Variants in OCIAD1 observed in about 807,000 individuals in gnomAD.
The protein encoded by OCIAD1 is OCIA domain containing 1, also known as OCIA domain-containing protein 1.
A neutral mutation model predicts 38.9 loss-of-function variants in OCIAD1; 29 were observed. That is an observed-to-expected ratio of 0.74 (90% CI 0.55 to 1.02). The LOEUF is 1.02. OCIAD1 is among the 50% of genes least tolerant of loss of function. The probability of loss-of-function intolerance (pLI) is 0.00; values close to 1 mark genes in which losing one functional copy is unlikely to be tolerated. For missense variants in OCIAD1, 288 were observed against 289.6 expected, an observed-to-expected ratio of 0.99 and a Z score of 0.04; for synonymous variants, 110 against 92.0, an observed-to-expected ratio of 1.20 and a Z score of -1.12.
At chr4:48,844,781 A>C (rs968728506) in intron 4 of OCIAD1, among the ~76,000 whole-genome samples, 4 of 152,286 alleles carry the variant, frequency 2.6e-5, no homozygotes, top group African/African-American at 9.6e-5. Context: ...CAAAAGCTTA[A>C]GTCTCTGATA....
upstream of OCIAD1, among the ~76,000 whole-genome samples, chr4:48,828,839 G>C (rs1419919634): frequency 6.6e-6 from 1 of 152,192 alleles, no homozygotes; most frequent in African/African-American, 2.4e-5. Context: ...CTTCATTCTT[G>C]AAGTCAGTGA....
Position 48,850,079 on chromosome 4 carries a change from C to T in OCIAD1, c.374C>T (p.Pro125Leu). Residue 125 changes from proline to leucine, a missense_variant, in exon 6 of 9, where the codon CCT becomes CTT. Physicochemically the swap from Pro to Leu is moderately conservative, Grantham distance 98. Coordinates refer to ENST00000264312, the MANE Select transcript of OCIAD1 (RefSeq NM_017830.4). The stretch of plus-strand genomic sequence containing the variant: ...GGACAAGCACGACGATCTTCACCAC[C>T]TGGGTAGGCCAGATTCTGATCTTTA... ...RSGQARRSSP[P>L]GHYYQKSKYD... 6.2e-7 allele frequency: 1 copy of T among 1,610,612 alleles called. No individual in the cohort carries two copies. Among genetic ancestry groups the T allele is most frequent in the Non-Finnish European group, 8.5e-7 (1 of 1,179,180 alleles).
intron 3 of OCIAD1, among the ~76,000 whole-genome samples, chr4:48,834,506 A>G (rs1014744847): frequency 6.6e-6 from 1 of 152,224 alleles, no homozygotes; most frequent in African/African-American, 2.4e-5. Context: ...ACGGTGCCTC[A>G]TGGCTATAAT....
chr4:48,839,234 A>C (rs1353054697), intron 3 of OCIAD1, among the ~76,000 whole-genome samples: 1 of 152,104 alleles, frequency 6.6e-6, no homozygotes, highest in Non-Finnish European at 1.5e-5. Flanking sequence ...TCAAGAGTTC[A>C]AGACCAGCCT....
chr4:48,849,807 A>G, intron 5 of OCIAD1, 140 bp from the exon 6 acceptor site: 1 of 676,102 alleles, frequency 1.5e-6, no homozygotes, highest in East Asian at 2.8e-5. Context: ...GATTTCTTCT[A>G]CCATTATTTC....
chr4:48,833,599 CAT>C, intron 3 of OCIAD1, 118 bp downstream of exon 3: 2 of 629,632 alleles, frequency 3.2e-6, no homozygotes, highest in East Asian at 5.6e-5. Flanking sequence ...AAACTTTTTG[CAT>C]AGTGTGGTTG....
intron 3 of OCIAD1, among the ~76,000 whole-genome samples, chr4:48,838,523 A>C (rs1319216467): frequency 2.0e-5 from 3 of 152,216 alleles, no homozygotes; most frequent in Admixed American, 6.5e-5. Context: ...CTTGGTTGTA[A>C]CCAGGTGATA....
Position 48,833,468 on chromosome 4 carries a change from C to T in OCIAD1, c.126C>T (p.Ser42=). The change falls in exon 3 of 9, where the codon AGC becomes AGT. Residue 42 remains serine, a synonymous_variant. Transcript: ENST00000264312. Reference sequence around the variant, plus strand: ...TCTTCGCAGAATGCAATGATGAAAGCTTCTGGTTCAGATGTGAGTTCAATT... The same window carrying T: ...TCTTCGCAGAATGCAATGATGAAAGTTTCTGGTTCAGATGTGAGTTCAATT... ...RRVFAECNDE[S]FWFRSVPLAA... is the part of the protein sequence containing the mutation. 6.3e-7 allele frequency: 1 copy of T among 1,597,076 alleles called. No homozygotes were observed. Among genetic ancestry groups the T allele is most frequent in the Non-Finnish European group, 8.6e-7 (1 of 1,166,236 alleles).
upstream of OCIAD1, among the ~76,000 whole-genome samples, chr4:48,829,358 A>G (rs1024023215): frequency 2.0e-5 from 3 of 151,926 alleles, no homozygotes; most frequent in South Asian, 2.1e-4. Flanking sequence ...ATGTCTTTTA[A>G]TTTTCTTATT....
rs1777452321 is a variant in OCIAD1 at position 48,831,211 on chromosome 4, T to C, written c.-44T>C. On this transcript the variant is annotated 5_prime_UTR_variant, in exon 1 of 9. Transcript: ENST00000264312. Reference sequence around the variant, plus strand: ...CTCCGGGCCTTCTGCCCCTGATCGCTTGGTTTTCCTTGCAGTCGCCTGCTG... The same window carrying C: ...CTCCGGGCCTTCTGCCCCTGATCGCCTGGTTTTCCTTGCAGTCGCCTGCTG... 1 of 337,294 alleles carries C rather than the reference T, an allele frequency of 3.0e-6. No individual in the cohort carries two copies. The highest frequency in any genetic ancestry group is 2.2e-5 in the South Asian group (1 of 45,012). The allele number at this position is 337,294 out of a possible 1,614,324, so 20.9% of individuals were successfully genotyped here.
At chr4:48,821,253 A>G (rs1259637017) in intron 1 of OCIAD1, among the ~76,000 whole-genome samples, 2 of 152,224 alleles carry the variant, frequency 1.3e-5, no homozygotes, top group Non-Finnish European at 2.9e-5. Flanking sequence ...AACATACTCA[A>G]ATCAATGAAT....
At chr4:48,846,232 A>G (rs959205425) in intron 4 of OCIAD1, among the ~76,000 whole-genome samples, 4 of 152,176 alleles carry the variant, frequency 2.6e-5, no homozygotes, top group African/African-American at 7.2e-5. Context: ...TCCTTTTTCT[A>G]TTGTCATCCC....
intron 3 of OCIAD1, among the ~76,000 whole-genome samples, chr4:48,840,509 T>G (rs1419119058): frequency 6.6e-6 from 1 of 152,160 alleles, no homozygotes; most frequent in African/African-American, 2.4e-5. Context: ...TTTGTGCAAT[T>G]TGTGTGTGAT....
chr4:48,833,365 A>G (rs759688173), intron 2 of OCIAD1, 36 bp from the exon 3 acceptor site: 1 of 1,250,292 alleles, frequency 8.0e-7, no homozygotes. Flanking sequence ...TTTATTATGG[A>G]TAATTTAATG....
chr4:48,813,413 G>A (rs1777110614), intron 1 of OCIAD1, among the ~76,000 whole-genome samples: 1 of 152,206 alleles, frequency 6.6e-6, no homozygotes, highest in African/African-American at 2.4e-5. Context: ...CAGCTCCTTG[G>A]GAGGCGGAGG....
At chr4:48,806,670 A>C (rs1392305880) in intron 1 of OCIAD1, among the ~76,000 whole-genome samples, 1 of 152,048 alleles carries the variant, frequency 6.6e-6, no homozygotes, top group Non-Finnish European at 1.5e-5. Flanking sequence ...TAGTGGAGCA[A>C]TCTTGGCTCA....
chr4:48,850,995 A>G (rs968696762), intron 6 of OCIAD1, among the ~76,000 whole-genome samples: 1 of 152,210 alleles, frequency 6.6e-6, no homozygotes, highest in Non-Finnish European at 1.5e-5. Context: ...TTTCTTTTGA[A>G]TTCCCAAATC....
intron 8 of OCIAD1, among the ~76,000 whole-genome samples, chr4:48,859,647 G>T (rs571574559): frequency 7.9e-5 from 12 of 152,186 alleles, no homozygotes; most frequent in African/African-American, 1.9e-4. Context: ...GGAAAAGCTG[G>T]TTTTTTGTGT....
chr4:48,833,020 ATGGG>A (rs1450622842), intron 2 of OCIAD1, among the ~76,000 whole-genome samples: 1 of 151,882 alleles, frequency 6.6e-6, no homozygotes, highest in African/African-American at 2.4e-5. Context: ...GGAGGCTGAG[ATGGG>A]TGGAACACCT....
Sources: allele counts gnomAD v4.1 joint callset (sites outside exome capture counted in the v4.1 genomes callset), GRCh38; gene constraint gnomAD v4.1.1; transcripts MANE v1.5; gene names NCBI Gene and HGNC (gene_info 2026-07-23, HGNC 2026-07-21).